The following ABI1 variants were observed in gnomAD, a reference collection of about 807,000 sequenced individuals.
ABI1 encodes the protein Abelson interactor 1.
Under a neutral mutation model 54.6 loss-of-function variants are expected in ABI1, and 14 were observed. That is an observed-to-expected ratio of 0.26 (90% CI 0.17 to 0.40). The LOEUF is 0.40. ABI1 is among the 10% of genes least tolerant of loss of function. The probability of loss-of-function intolerance (pLI) is 1.00; values close to 1 mark genes in which losing one functional copy is unlikely to be tolerated. For synonymous variants in ABI1, 194 were observed against 209.3 expected, an observed-to-expected ratio of 0.93 and a Z score of 0.63; for missense variants, 443 against 598.3, an observed-to-expected ratio of 0.74 and a Z score of 2.71.
rs1259083204 is a variant in ABI1 at position 26,857,181 on chromosome 10, C to T, written c.117+3566G>A. Among the ~76,000 whole-genome samples, 6 of 151,928 alleles carry T rather than the reference C, an allele frequency of 3.9e-5. No individual in the cohort carries two copies. In the East Asian group the frequency reaches 5.8e-4, roughly 15 times the overall value. On this transcript the variant is annotated intron_variant, in intron 1 of 10. Coordinates refer to ENST00000376140, the MANE Select transcript of ABI1 (RefSeq NM_001012750.3). ...CTAAAAACACAAAAAATTAGCCAAG[C>T]GTGGTGGTGGGCACCTATAATCCCA...
intron 6 of ABI1, 122 bp from the exon 7 acceptor site, chr10:26,765,440 G>T: frequency 1.4e-6 from 1 of 738,202 alleles, no homozygotes. Flanking sequence ...CAGTATCCTT[G>T]GAGGACTGGT....
chr10:26,775,023 C>T (rs530742508), intron 3 of ABI1, among the ~76,000 whole-genome samples: 1 of 151,968 alleles, frequency 6.6e-6, no homozygotes, highest in Non-Finnish European at 1.5e-5. Context: ...AAAAATAATT[C>T]GAAAGCTGTA....
chr10:26,833,245 A>G (rs915324364), intron 1 of ABI1, among the ~76,000 whole-genome samples: 4 of 152,234 alleles, frequency 2.6e-5, no homozygotes, highest in African/African-American at 9.6e-5. Flanking sequence ...AGAGCTACAC[A>G]GAACAATCAA....
At chr10:26,758,676 T>C (rs1047970047) in intron 8 of ABI1, among the ~76,000 whole-genome samples, 5 of 152,224 alleles carry the variant, frequency 3.3e-5, no homozygotes, top group Non-Finnish European at 7.3e-5. Flanking sequence ...AGGAAAACTT[T>C]GACAATGTTT....
chr10:26,810,556 T>C (rs367786452), intron 2 of ABI1, among the ~76,000 whole-genome samples: 1 of 152,232 alleles, frequency 6.6e-6, no homozygotes, highest in African/African-American at 2.4e-5. Context: ...CTTTAAGACT[T>C]TGCAGGCCAT....
At chr10:26,788,678 C>T (rs550199244) in intron 2 of ABI1, among the ~76,000 whole-genome samples, 44 of 151,986 alleles carry the variant, frequency 2.9e-4, no homozygotes, top group South Asian at 1.5e-3. Flanking sequence ...TTTGGGACGC[C>T]GAGGTGGGCG....
At chr10:26,804,974 T>C (rs932591912) in intron 2 of ABI1, among the ~76,000 whole-genome samples, 1 of 152,112 alleles carries the variant, frequency 6.6e-6, no homozygotes, top group African/African-American at 2.4e-5. Context: ...TTAGAAGGTA[T>C]AAAACAAAGA....
At position 26,772,813 on chromosome 10, in the gene ABI1, T is replaced by A. The variant is rs150378510; in HGVS notation, c.463-1724A>T. Among the ~76,000 whole-genome samples, 6 of 152,204 alleles carry A rather than the reference T, an allele frequency of 3.9e-5. No homozygotes were observed. In the East Asian group the frequency reaches 1.2e-3, roughly 29 times the overall value. On this transcript the variant is annotated intron_variant, in intron 3 of 10. Coordinates refer to ENST00000376140, the MANE Select transcript of ABI1 (RefSeq NM_001012750.3). ...CAGGCTAGGCACGGTGGCTCACACC[T>A]GTAACTCCCAACACTTTGGGAGGCC... is the stretch of plus-strand genomic sequence containing the variant.
chr10:26,823,351 C>A, intron 1 of ABI1, 46 bp from the exon 2 acceptor site: 3 of 1,356,772 alleles, frequency 2.2e-6, no homozygotes, highest in Non-Finnish European at 2.0e-6. Flanking sequence ...GATTAACATT[C>A]ATTAAATATA....
At chr10:26,816,100 C>T (rs141914182) in intron 2 of ABI1, among the ~76,000 whole-genome samples, 4 of 152,170 alleles carry the variant, frequency 2.6e-5, no homozygotes, top group African/African-American at 9.6e-5. Flanking sequence ...TAAGTTTATC[C>T]ACAGACTACA....
rs1252695285 is a variant in ABI1 at position 26,746,775 on chromosome 10, A to AAAT, written c.*1792_*1794dup. 6.0e-5 allele frequency: 25 copies of AAAT among 416,140 alleles called. No individual in the cohort carries two copies. The highest frequency in any genetic ancestry group is 1.1e-4 in the Non-Finnish European group (24 of 223,700). The allele number at this position is 416,140 out of a possible 1,614,324, so 25.8% of individuals were successfully genotyped here. On this transcript the variant is annotated 3_prime_UTR_variant, in exon 11 of 11. Coordinates refer to ENST00000376140, the MANE Select transcript of ABI1 (RefSeq NM_001012750.3). ...CCACATGTAAGGCCATTACACAAAT[A>AAAT]AATAACCAATGTTAAAATTCAAATG...
chr10:26,825,487 C>G (rs993738591), intron 1 of ABI1, among the ~76,000 whole-genome samples: 7 of 152,018 alleles, frequency 4.6e-5, no homozygotes, highest in South Asian at 2.1e-4. Flanking sequence ...ATGGTGAAAC[C>G]CTGTCTCTAC....
At chr10:26,786,218 C>T (rs895753270) in intron 2 of ABI1, among the ~76,000 whole-genome samples, 2 of 149,138 alleles carry the variant, frequency 1.3e-5, no homozygotes, top group African/African-American at 4.9e-5. Context: ...TGCCTCTCTA[C>T]ACTTTTTTTT....
In ABI1 at chr10:26,777,125, T is replaced by C. The variant is rs1841507277; in HGVS notation, c.402A>G (p.Val134=). 1 of 1,614,010 alleles carries C rather than the reference T, an allele frequency of 6.2e-7. No individual in the cohort carries two copies. The highest frequency in any genetic ancestry group is 2.2e-5 in the East Asian group (1 of 44,864). Residue 134 remains valine, a synonymous_variant, in exon 3 of 11, where the codon GTA becomes GTG. Transcript: ENST00000376140. The stretch of plus-strand genomic sequence containing the variant: ...AATCGATAGGTTTCCGAATATACCT[T>C]ACAGGGCGCTCCATATTCGCAGGTG... ...IIAPANMERP[V]RYIRKPIDYT...
At chr10:26,809,806 G>C (rs911752501) in intron 2 of ABI1, among the ~76,000 whole-genome samples, 6 of 152,118 alleles carry the variant, frequency 3.9e-5, no homozygotes, top group African/African-American at 1.4e-4. Context: ...TTGCCTGGTG[G>C]AGCTCCCTGG....
chr10:26,796,179 G>C (rs1844134172), intron 2 of ABI1, among the ~76,000 whole-genome samples: 1 of 152,152 alleles, frequency 6.6e-6, no homozygotes, highest in South Asian at 2.1e-4. Context: ...AGAGGGAGCT[G>C]TGGGTCAAAA....
chr10:26,856,920 CAT>C (rs1321162782), intron 1 of ABI1, among the ~76,000 whole-genome samples: 1 of 152,124 alleles, frequency 6.6e-6, no homozygotes, highest in Non-Finnish European at 1.5e-5. Flanking sequence ...ACTGGCTAAA[CAT>C]GTGTGTTCAA....
chr10:26,753,963 C>A lies in ABI1; in HGVS notation c.1084+1692G>T, dbSNP rs186069691. Among the ~76,000 whole-genome samples, 71 of 152,324 alleles carry A rather than the reference C, an allele frequency of 4.7e-4. 1 individual carries two copies. The highest frequency in any genetic ancestry group is 2.4e-3 in the Admixed American group (37 of 15,296). On this transcript the variant is annotated intron_variant, in intron 9 of 10. Coordinates refer to ENST00000376140, the MANE Select transcript of ABI1 (RefSeq NM_001012750.3). ...GATTTACCAAATAGCTAGTCAGTCA[C>A]TTTGGACCCACAAAACTGATGTTCA...
chr10:26,799,387 A>G (rs559454427), intron 2 of ABI1, among the ~76,000 whole-genome samples: 6 of 152,300 alleles, frequency 3.9e-5, no homozygotes, highest in East Asian at 1.9e-4. Context: ...TAAATACTCA[A>G]TGAAGGCTTT....
Sources: allele counts gnomAD v4.1 joint callset (sites outside exome capture counted in the v4.1 genomes callset), GRCh38; gene constraint gnomAD v4.1.1; transcripts MANE v1.5; gene names NCBI Gene and HGNC (gene_info 2026-07-23, HGNC 2026-07-21).